MDGA2: variants seen among roughly 807,000 people sequenced by gnomAD.
MDGA2 encodes the protein MAM domain-containing glycosylphosphatidylinositol anchor protein 2.
In MDGA2, 40 loss-of-function variants were observed where a neutral mutation model predicts 117.8. That is an observed-to-expected ratio of 0.34 (90% CI 0.26 to 0.44). The LOEUF (loss-of-function observed/expected upper bound fraction) is 0.44, where lower values mean the gene tolerates loss of function less well. Among genes scored for constraint, MDGA2 ranks in the 20% least tolerant of loss-of-function variants. The probability of loss-of-function intolerance (pLI) is 1.00; values close to 1 mark genes in which losing one functional copy is unlikely to be tolerated. For missense variants in MDGA2, 1,123 were observed against 1,250.6 expected, an observed-to-expected ratio of 0.90 and a Z score of 1.54; for synonymous variants, 452 against 439.0, an observed-to-expected ratio of 1.03 and a Z score of -0.37.
At chr14:47,059,904 G>A (rs2138777689) in intron 7 of MDGA2, among the ~76,000 whole-genome samples, 1 of 152,102 alleles carries the variant, frequency 6.6e-6, no homozygotes, top group Middle Eastern at 3.4e-3. Context: ...ATATTATATT[G>A]GAATGTCATA....
chr14:47,132,140 A>G (rs1396044724), intron 4 of MDGA2, among the ~76,000 whole-genome samples: 1 of 151,966 alleles, frequency 6.6e-6, no homozygotes. Flanking sequence ...CTCAGGGGAA[A>G]AGTCTATTTC....
chr14:47,499,953 G>A (rs917770517), intron 1 of MDGA2, among the ~76,000 whole-genome samples: 8 of 152,064 alleles, frequency 5.3e-5, no homozygotes, highest in African/African-American at 1.9e-4. Flanking sequence ...GAAAGAAAAT[G>A]TGAAATTTAG....
At position 47,349,977 on chromosome 14, in the gene MDGA2, G is replaced by A. The variant is rs141288724; in HGVS notation, c.281-48427C>T. On this transcript the variant is annotated intron_variant, in intron 1 of 16. Transcript: ENST00000399232. Reference sequence around the variant, plus strand: ...AGATACATCCATTTCTCGAAGGCAGGACCTGCCCTGGCTTAAGCTTCATTT... The same window carrying A: ...AGATACATCCATTTCTCGAAGGCAGAACCTGCCCTGGCTTAAGCTTCATTT... Among the ~76,000 whole-genome samples the A allele has an allele frequency of 7.5e-4, 114 of 152,334 alleles. 1 individual carries two copies. Among genetic ancestry groups the A allele is most frequent in the African/African-American group, 2.2e-3 (91 of 41,580 alleles).
chr14:47,202,826 GCCCAAGTTAGTAGCACA>G, intron 3 of MDGA2, among the ~76,000 whole-genome samples: 2 of 149,264 alleles, frequency 1.3e-5, no homozygotes, highest in Non-Finnish European at 3.0e-5. Context: ...TGACCTTAAT[GCCCAAGTTAGTAGCACA>G]TAATACTGAA....
chr14:46,881,947 G>A (rs1882476722), intron 11 of MDGA2, 97 bp downstream of exon 11: 4 of 753,392 alleles, frequency 5.3e-6, no homozygotes, highest in Non-Finnish European at 7.7e-6. Flanking sequence ...AATATGCTAA[G>A]TTTTACTTTG....
chr14:47,415,885 G>GA (rs1239995485), intron 1 of MDGA2, among the ~76,000 whole-genome samples: 6 of 152,048 alleles, frequency 3.9e-5, no homozygotes, highest in Non-Finnish European at 8.8e-5. Flanking sequence ...GTGCTAATGC[G>GA]AATCATGAGG....
intron 15 of MDGA2, among the ~76,000 whole-genome samples, chr14:46,851,081 C>T (rs1262943094): frequency 6.6e-6 from 1 of 151,742 alleles, no homozygotes; most frequent in Non-Finnish European, 1.5e-5. Context: ...CTTTTCCAGT[C>T]CCTGTTACAG....
chr14:47,472,867 T>C (rs984073218), intron 1 of MDGA2, among the ~76,000 whole-genome samples: 38 of 152,176 alleles, frequency 2.5e-4, no homozygotes, highest in Admixed American at 6.5e-5. Context: ...AATGAGTTTA[T>C]ACATGAAGGG....
At chr14:47,523,241 C>T (rs1231288458) in intron 1 of MDGA2, among the ~76,000 whole-genome samples, 1 of 152,126 alleles carries the variant, frequency 6.6e-6, no homozygotes, top group African/African-American at 2.4e-5. Flanking sequence ...CATGACAAAA[C>T]ACCCGGTAAG....
intron 6 of MDGA2, among the ~76,000 whole-genome samples, chr14:47,094,452 G>A (rs910708495): frequency 1.2e-4 from 18 of 152,014 alleles, no homozygotes; most frequent in Admixed American, 6.6e-5. Flanking sequence ...CACTGGGTTA[G>A]TCCCTTACAA....
chr14:47,385,965 G>T (rs1891746849), intron 1 of MDGA2, among the ~76,000 whole-genome samples: 1 of 152,132 alleles, frequency 6.6e-6, no homozygotes, highest in Admixed American at 6.5e-5. Flanking sequence ...ATATCCATTA[G>T]AGTATTTTTC....
intron 2 of MDGA2, among the ~76,000 whole-genome samples, chr14:47,281,965 GA>G (rs1365674925): frequency 2.0e-5 from 3 of 148,718 alleles, no homozygotes; most frequent in Non-Finnish European, 4.4e-5. Context: ...TGAGGCACAA[GA>G]ATCGCTTGAA....
At chr14:47,596,496 C>T (rs1230421582) in intron 1 of MDGA2, among the ~76,000 whole-genome samples, 12 of 152,236 alleles carry the variant, frequency 7.9e-5, no homozygotes, top group Admixed American at 2.0e-4. Flanking sequence ...ATGCACGTGA[C>T]GTTTGTTTTT....
chr14:47,105,971 CTA>C (rs1566627459), intron 5 of MDGA2, among the ~76,000 whole-genome samples: 2 of 1,094 alleles, frequency 1.8e-3, no homozygotes, highest in African/African-American at 0.029. Flanking sequence ...CGTTCCGTGA[CTA>C]GCCGACTAGC....
intron 4 of MDGA2, among the ~76,000 whole-genome samples, chr14:47,142,433 G>C (rs1404818554): frequency 6.8e-6 from 1 of 147,712 alleles, no homozygotes; most frequent in African/African-American, 2.6e-5. Context: ...ACAGAGCAAG[G>C]CTCCATCTCA....
chr14:47,072,102 G>GC lies in MDGA2; in HGVS notation c.1196-10525_1196-10524insG, dbSNP rs139558164. Among the ~76,000 whole-genome samples, 178 of 34,342 alleles carry GC rather than the reference G, an allele frequency of 5.2e-3. 15 individuals are homozygous for GC. Among genetic ancestry groups the GC allele is most frequent in the African/African-American group, 0.015 (157 of 10,444 alleles). The allele number at this position is 34,342 out of a possible 152,430, so 22.5% of individuals were successfully genotyped here. ...GGAAGTTTGTTGGTTGTTGTTGTTT[G>GC]GGGGGGGGGGGGTTTGCAGGTATTA... On this transcript the variant is annotated intron_variant, in intron 6 of 16. Coordinates refer to ENST00000399232, the MANE Select transcript of MDGA2 (RefSeq NM_001113498.3).
intron 1 of MDGA2, among the ~76,000 whole-genome samples, chr14:47,322,134 T>C (rs747148410): frequency 5.9e-5 from 9 of 151,964 alleles, no homozygotes; most frequent in Admixed American, 3.9e-4. Flanking sequence ...CTGTTAACAG[T>C]GTTATATTTG....
At chr14:46,974,222 A>T (rs1886371126) in intron 8 of MDGA2, among the ~76,000 whole-genome samples, 1 of 152,164 alleles carries the variant, frequency 6.6e-6, no homozygotes, top group African/African-American at 2.4e-5. Flanking sequence ...TCTGAAAGAA[A>T]CAAGACATAA....
At chr14:47,589,776 A>AGTAAG (rs1417685478) in intron 1 of MDGA2, among the ~76,000 whole-genome samples, 2 of 151,988 alleles carry the variant, frequency 1.3e-5, no homozygotes, top group African/African-American at 2.4e-5. Context: ...TCTTAATAAG[A>AGTAAG]GTAAGTCTTC....
Sources: gnomAD v4.1 joint callset for allele counts (sites outside exome capture counted in the v4.1 genomes callset) on GRCh38, gnomAD v4.1.1 for gene constraint, MANE v1.5 for transcripts, NCBI Gene and HGNC (gene_info 2026-07-23, HGNC 2026-07-21) for gene names.